The following KLHL32 variants were observed in gnomAD, a reference collection of about 807,000 sequenced individuals.
KLHL32 encodes kelch like family member 32, also known as kelch-like protein 32.
A neutral mutation model predicts 64.8 loss-of-function variants in KLHL32; 35 were observed. The observed-to-expected ratio is 0.54, with a 90% CI of 0.41 to 0.72. The LOEUF is 0.72. Ranked by LOEUF, KLHL32 falls within the 30% of genes least tolerant of loss-of-function variation. The pLI is 0.00. For missense variants in KLHL32, 589 were observed against 768.5 expected (o/e 0.77, Z 2.76); for synonymous variants, 259 against 281.0 (o/e 0.92, Z 0.78).
At chr6:97,096,604 T>C (rs1311806829) in intron 6 of KLHL32, among the ~76,000 whole-genome samples, 1 of 152,270 alleles carries the variant, frequency 6.6e-6, no homozygotes, top group Non-Finnish European at 1.5e-5. Context: ...GAATTTTTAA[T>C]TCCTTTTCCC....
At chr6:96,925,979 G>A (rs1228907675) in intron 1 of KLHL32, among the ~76,000 whole-genome samples, 1 of 152,008 alleles carries the variant, frequency 6.6e-6, no homozygotes, top group South Asian at 2.1e-4. Flanking sequence ...GATGGGACTG[G>A]GTCCTCTACT....
intron 1 of KLHL32, among the ~76,000 whole-genome samples, chr6:96,934,184 C>T (rs1354265152): frequency 1.3e-5 from 2 of 152,158 alleles, no homozygotes; most frequent in Non-Finnish European, 1.5e-5. Flanking sequence ...AGGTTTGCAA[C>T]AAGGCTGGTC....
At chr6:96,938,578 C>T (rs1205080954) in intron 1 of KLHL32, among the ~76,000 whole-genome samples, 2 of 152,158 alleles carry the variant, frequency 1.3e-5, no homozygotes, top group East Asian at 1.9e-4. Flanking sequence ...AGCCACTGGC[C>T]TCCTCCACAG....
At chr6:97,049,352 C>T (rs1030604867) in intron 4 of KLHL32, among the ~76,000 whole-genome samples, 11 of 152,170 alleles carry the variant, frequency 7.2e-5, no homozygotes, top group Non-Finnish European at 1.0e-4. Flanking sequence ...CAGAGGGCTA[C>T]TAGGTTACTA....
At chr6:97,009,768 T>C (rs931101804) in intron 3 of KLHL32, among the ~76,000 whole-genome samples, 1 of 152,218 alleles carries the variant, frequency 6.6e-6, no homozygotes, top group African/African-American at 2.4e-5. Context: ...GACTGTTTCA[T>C]ATTTAAGAGC....
chr6:96,900,905 T>C, the KLHL32 span, among the ~76,000 whole-genome samples: 1 of 152,168 alleles, frequency 6.6e-6, no homozygotes, highest in Non-Finnish European at 1.5e-5. Flanking sequence ...ACCAGAGAAT[T>C]TGTAGGAGTC....
At chr6:96,965,043 T>A (rs1164394604) in intron 1 of KLHL32, among the ~76,000 whole-genome samples, 1 of 152,224 alleles carries the variant, frequency 6.6e-6, no homozygotes, top group Non-Finnish European at 1.5e-5. Context: ...CCTATCTTTA[T>A]GCCTAGGGAT....
rs374302828 is a variant in KLHL32 at position 96,932,564 on chromosome 6, T to C, written c.-66+7538T>C. Among the ~76,000 whole-genome samples the C allele has an allele frequency of 3.4e-3, 383 of 114,298 alleles. 3 individuals are homozygous for C. The highest frequency in any genetic ancestry group is 6.3e-3 in the African/African-American group (183 of 29,254). 75.0% of individuals were successfully genotyped at this position (114,298 alleles called of 152,430 possible). ...GTACTGTTTCACAAAGTTGTCAATT[T>C]CCCCCCCCCCCTTTTTTTTTTTGAG... is the stretch of plus-strand genomic sequence containing the variant. On this transcript the variant is annotated intron_variant, in intron 1 of 10. Coordinates refer to ENST00000369261, the MANE Select transcript of KLHL32 (RefSeq NM_052904.4).
rs1001403735 is a variant in KLHL32, at chr6:97,139,419, C to T, written c.*137C>T. 2.7e-6 allele frequency: 2 copies of T among 735,510 alleles called. No homozygotes were observed. The highest frequency in any genetic ancestry group is 4.4e-6 in the Non-Finnish European group (2 of 459,436). 45.6% of individuals were successfully genotyped at this position (735,510 alleles called of 1,614,324 possible). Reference sequence around the variant, plus strand: ...CGGATAAATTTAAGCAAAAAATGAACAATTTTCTAAAATACGTTATTGAAA... The same window carrying T: ...CGGATAAATTTAAGCAAAAAATGAATAATTTTCTAAAATACGTTATTGAAA... On this transcript the variant is annotated 3_prime_UTR_variant, in exon 11 of 11. Transcript: ENST00000369261.
At chr6:96,969,751 A>G (rs1690252623) in intron 2 of KLHL32, among the ~76,000 whole-genome samples, 1 of 152,122 alleles carries the variant, frequency 6.6e-6, no homozygotes, top group African/African-American at 2.4e-5. Flanking sequence ...TTTCTCAGCC[A>G]TGTTCTTGAG....
rs950882205 is a variant in KLHL32, at chr6:97,139,159, C to T, written c.1740C>T (p.Phe580=). ...GCAGAGAAGGCAAAGAAGAAGTATT[C>T]TATGGGCCTACACTCCCTTTTGCTT... ...DVSREGKEEV[F]YGPTLPFASN... Residue 580 remains phenylalanine (F), a synonymous_variant, in exon 11 of 11, where the codon TTC becomes TTT. Coordinates refer to ENST00000369261, the MANE Select transcript of KLHL32 (RefSeq NM_052904.4). 6.2e-7 allele frequency: 1 copy of T among 1,614,044 alleles called. No individual in the cohort carries two copies.
At chr6:96,929,757 T>G (rs2127989186) in intron 1 of KLHL32, among the ~76,000 whole-genome samples, 1 of 152,328 alleles carries the variant, frequency 6.6e-6, no homozygotes, top group South Asian at 2.1e-4. Flanking sequence ...TATGGCACTA[T>G]AAGTTTTGGT....
At chr6:97,109,317 G>C (rs1796819146) in intron 6 of KLHL32, among the ~76,000 whole-genome samples, 2 of 152,232 alleles carry the variant, frequency 1.3e-5, no homozygotes, top group Non-Finnish European at 2.9e-5. Context: ...AAAGTTGAAA[G>C]TTATATGAAA....
At chr6:96,945,808 C>T (rs550729030) in intron 1 of KLHL32, among the ~76,000 whole-genome samples, 8 of 152,136 alleles carry the variant, frequency 5.3e-5, no homozygotes, top group African/African-American at 1.7e-4. Flanking sequence ...ACCTGGGCCC[C>T]GTTGGTGTCT....
chr6:96,967,127 G>A, intron 2 of KLHL32, 44 bp downstream of exon 2: 1 of 1,583,720 alleles, frequency 6.3e-7, no homozygotes, highest in Middle Eastern at 1.8e-4. Flanking sequence ...AGTGAGCCCT[G>A]AAATAAGTGC....
intron 6 of KLHL32, among the ~76,000 whole-genome samples, chr6:97,107,658 C>T (rs796806613): frequency 8.5e-5 from 13 of 152,234 alleles, no homozygotes; most frequent in Admixed American, 4.6e-4. Flanking sequence ...AAAACAAGGG[C>T]TTATGAATCT....
At chr6:96,976,515 C>A (rs572570495) in intron 3 of KLHL32, among the ~76,000 whole-genome samples, 1 of 152,140 alleles carries the variant, frequency 6.6e-6, no homozygotes, top group African/African-American at 2.4e-5. Flanking sequence ...GATCAAAGAC[C>A]AAGCTATAAG....
At chr6:97,037,440 G>C (rs1052973571) in intron 3 of KLHL32, among the ~76,000 whole-genome samples, 1 of 151,812 alleles carries the variant, frequency 6.6e-6, no homozygotes, top group African/African-American at 2.4e-5. Flanking sequence ...TAGTTCAATA[G>C]TACAAAGAAT....
At chr6:97,136,592 A>T (rs1318701164) in intron 10 of KLHL32, among the ~76,000 whole-genome samples, 1 of 152,226 alleles carries the variant, frequency 6.6e-6, no homozygotes, top group Non-Finnish European at 1.5e-5. Flanking sequence ...GTGGCACATA[A>T]AGGAGCAGCT....
Sources: gnomAD v4.1 joint callset for allele counts (sites outside exome capture counted in the v4.1 genomes callset) on GRCh38, gnomAD v4.1.1 for gene constraint, MANE v1.5 for transcripts, NCBI Gene and HGNC (gene_info 2026-07-23, HGNC 2026-07-21) for gene names.